ADAMTSL1: variants seen among roughly 807,000 people sequenced by gnomAD.
ADAMTSL1 encodes ADAMTS-like protein 1.
ADAMTSL1 carries 126 observed loss-of-function variants against 201.8 expected under a neutral mutation model. The observed-to-expected ratio is 0.62, with a 90% CI of 0.54 to 0.72. The LOEUF is 0.72. ADAMTSL1 is among the 30% of genes least tolerant of loss of function. ADAMTSL1 has a pLI of 0.00. For missense variants in ADAMTSL1, 2,679 were observed against 2,277.8 expected, an observed-to-expected ratio of 1.18 and a Z score of -3.59; for synonymous variants, 1,121 against 903.4, an observed-to-expected ratio of 1.24 and a Z score of -4.32.
chr9:18,539,415 T>G (rs1819992323), intron 3 of ADAMTSL1, among the ~76,000 whole-genome samples: 1 of 152,194 alleles, frequency 6.6e-6, no homozygotes, highest in Non-Finnish European at 1.5e-5. Flanking sequence ...GTCTGATTCT[T>G]TCACCGCTGC....
At chr9:18,027,112 T>C (rs1009169529) in intron 1 of ADAMTSL1, among the ~76,000 whole-genome samples, 1 of 151,640 alleles carries the variant, frequency 6.6e-6, no homozygotes, top group African/African-American at 2.4e-5. Context: ...TTTTTTAATT[T>C]GTTAATCTAG....
At chr9:18,122,741 T>C (rs1825555808) in intron 1 of ADAMTSL1, among the ~76,000 whole-genome samples, 1 of 152,154 alleles carries the variant, frequency 6.6e-6, no homozygotes, top group Non-Finnish European at 1.5e-5. Flanking sequence ...ACTAATTCTG[T>C]CTGGAAGAAG....
At chr9:18,186,721 T>C (rs2132211348) in intron 2 of ADAMTSL1, among the ~76,000 whole-genome samples, 1 of 152,234 alleles carries the variant, frequency 6.6e-6, no homozygotes, top group Non-Finnish European at 1.5e-5. Context: ...GCATTTCACA[T>C]TTTATAAAAC....
At chr9:18,712,942 A>C (rs1050838440) in intron 14 of ADAMTSL1, among the ~76,000 whole-genome samples, 4 of 150,674 alleles carry the variant, frequency 2.7e-5, no homozygotes, top group South Asian at 2.1e-4. Flanking sequence ...GGGGGCCAAT[A>C]TTCAACATTC....
chr9:18,335,563 C>G (rs912958838), intron 2 of ADAMTSL1, among the ~76,000 whole-genome samples: 1 of 152,130 alleles, frequency 6.6e-6, no homozygotes, highest in African/African-American at 2.4e-5. Flanking sequence ...CATAATAGAA[C>G]AGATTCTGGA....
At chr9:18,904,766 C>T (rs1830207093) in intron 26 of ADAMTSL1, among the ~76,000 whole-genome samples, 2 of 138,414 alleles carry the variant, frequency 1.4e-5, no homozygotes, top group Admixed American at 7.1e-5. Context: ...TTACCCCAAC[C>T]CTCCATGTGT....
chr9:18,892,734 G>C (rs1458989857), intron 26 of ADAMTSL1, 138 bp downstream of exon 26: 8 of 1,029,900 alleles, frequency 7.8e-6, no homozygotes, highest in Non-Finnish European at 1.1e-5. Context: ...GCTTTTGTGG[G>C]TTGTCCAGCT....
intron 2 of ADAMTSL1, among the ~76,000 whole-genome samples, chr9:18,201,426 T>G (rs1364758860): frequency 6.6e-6 from 1 of 152,072 alleles, no homozygotes; most frequent in Non-Finnish European, 1.5e-5. Flanking sequence ...TTTCATATAG[T>G]TTTTCTGATA....
chr9:18,551,648 A>G (rs1820805926), intron 3 of ADAMTSL1, among the ~76,000 whole-genome samples: 1 of 151,596 alleles, frequency 6.6e-6, no homozygotes, highest in Non-Finnish European at 1.5e-5. Flanking sequence ...CTGACCTCCT[A>G]ACTGTGTAGA....
intron 2 of ADAMTSL1, among the ~76,000 whole-genome samples, chr9:18,314,782 C>CTGTTTTT (rs1834302245): frequency 2.0e-5 from 1 of 49,840 alleles, no homozygotes; most frequent in African/African-American, 8.3e-5. Context: ...CGGCAGCGTG[C>CTGTTTTT]TTTTTTTTTT....
intron 1 of ADAMTSL1, among the ~76,000 whole-genome samples, chr9:18,078,915 A>G (rs969308660): frequency 1.3e-5 from 2 of 152,180 alleles, no homozygotes; most frequent in Admixed American, 1.3e-4. Flanking sequence ...CTTAGGAATT[A>G]CGGAGTAGTG....
intron 20 of ADAMTSL1, among the ~76,000 whole-genome samples, chr9:18,803,810 T>G (rs541560847): frequency 8.9e-4 from 135 of 152,330 alleles, no homozygotes; most frequent in African/African-American, 3.0e-3. Flanking sequence ...TCATTTTCTA[T>G]ATTATCTGCT....
intron 15 of ADAMTSL1, among the ~76,000 whole-genome samples, chr9:18,751,822 C>A (rs1220016971): frequency 6.6e-6 from 1 of 152,128 alleles, no homozygotes; most frequent in Non-Finnish European, 1.5e-5. Flanking sequence ...AAAAGATATT[C>A]CAAATTAGAA....
At chr9:18,833,218 CAT>C (rs1404261393) in intron 23 of ADAMTSL1, among the ~76,000 whole-genome samples, 1 of 152,194 alleles carries the variant, frequency 6.6e-6, no homozygotes, top group Non-Finnish European at 1.5e-5. Context: ...ATGGCTTAGA[CAT>C]AGAAATGCCC....
chr9:18,738,788 G>A (rs1028099140), intron 15 of ADAMTSL1, among the ~76,000 whole-genome samples: 1 of 152,212 alleles, frequency 6.6e-6, no homozygotes, highest in African/African-American at 2.4e-5. Context: ...TCTAACTTGG[G>A]TATAGCAATA....
intron 25 of ADAMTSL1, chr9:18,890,712 C>T (rs2131552540): frequency 2.6e-6 from 1 of 379,164 alleles, no homozygotes; most frequent in East Asian, 8.0e-5. Context: ...TGGCCCGCTC[C>T]TTTCTCAAAC....
intron 2 of ADAMTSL1, among the ~76,000 whole-genome samples, chr9:18,411,478 C>T (rs1007770098): frequency 1.3e-5 from 2 of 152,090 alleles, no homozygotes; most frequent in African/African-American, 2.4e-5. Flanking sequence ...GGATTATAGG[C>T]GTGAGCCGCC....
chr9:18,806,397 G>A (rs1201207104), intron 20 of ADAMTSL1, among the ~76,000 whole-genome samples: 1 of 152,182 alleles, frequency 6.6e-6, no homozygotes, highest in Non-Finnish European at 1.5e-5. Context: ...TGTGTGCACA[G>A]GAAGAAGAGG....
At chr9:18,574,334 A>G (rs750226965) in intron 4 of ADAMTSL1, 68 bp downstream of exon 4, 2 of 1,324,248 alleles carry the variant, frequency 1.5e-6, no homozygotes, top group East Asian at 2.3e-5. Flanking sequence ...AATGGTTTAC[A>G]TAGTCTCACT....
Sources: gnomAD v4.1 joint callset for allele counts (sites outside exome capture counted in the v4.1 genomes callset) on GRCh38, gnomAD v4.1.1 for gene constraint, MANE v1.5 for transcripts, NCBI Gene and HGNC (gene_info 2026-07-23, HGNC 2026-07-21) for gene names.